The following POP4 variants were observed in gnomAD, a reference collection of about 807,000 sequenced individuals.
POP4 encodes the protein ribonuclease P protein subunit p29.
In POP4, 31 loss-of-function variants were observed where a neutral mutation model predicts 29.9. The observed-to-expected ratio is 1.04, with a 90% confidence interval of 0.78 to 1.40. The LOEUF is 1.40. POP4 is among the 40% of genes most tolerant of loss of function. The probability of loss-of-function intolerance (pLI) is 0.00; values close to 1 mark genes in which losing one functional copy is unlikely to be tolerated. For synonymous variants in POP4, 110 were observed against 108.2 expected, an observed-to-expected ratio of 1.02 and a Z score of -0.10; for missense variants, 286 against 282.7, an observed-to-expected ratio of 1.01 and a Z score of -0.08.
chr19:29,610,641 A>G lies in POP4; in HGVS notation c.284+9A>G, dbSNP rs575691274. On this transcript the variant is annotated intron_variant, in intron 3 of 6. Coordinates refer to ENST00000585603, the MANE Select transcript of POP4 (RefSeq NM_006627.3). The stretch of plus-strand genomic sequence containing the variant: ...AAACCAGAGCAGCAGAGGTAACCCG[A>G]GCTCCCCACGTCTTTCTGCCCGCGG... The G allele has an allele frequency of 1.1e-5, 17 of 1,612,054 alleles. No homozygotes were observed. In the East Asian group the frequency reaches 3.6e-4, roughly 34 times the overall value.
intron 1 of POP4, 88 bp from the exon 2 acceptor site, chr19:29,608,569 G>A: frequency 7.4e-7 from 1 of 1,347,172 alleles, no homozygotes; most frequent in Non-Finnish European, 1.1e-6. Context: ...TGCGCCTAGT[G>A]GCGTAGTTAT....
Position 29,617,218 on chromosome 19 carries a change from C to T in POP4, c.*1838C>T, listed in dbSNP as rs1012099466. 2 of 152,274 alleles carry T rather than the reference C, an allele frequency of 1.3e-5. No homozygotes were observed. The highest frequency in any genetic ancestry group is 2.4e-5 in the African/African-American group (1 of 41,474). The allele number at this position is 152,274 out of a possible 1,614,324, so 9.4% of individuals were successfully genotyped here. ...AAAGGCGTCCACTGTTGTGTAAATA[C>T]ACAGTTGCTTTCCAGAAAAGTTGTA... On this transcript the variant is annotated 3_prime_UTR_variant, in exon 7 of 7. Coordinates refer to ENST00000585603, the MANE Select transcript of POP4 (RefSeq NM_006627.3).
Position 29,610,489 on chromosome 19 carries a change from C to T in POP4, c.141C>T (p.Arg47=), listed in dbSNP as rs755539630. The change falls in exon 3 of 7, where the codon CGC becomes CGT. Residue 47 remains arginine, a synonymous_variant. Coordinates refer to ENST00000585603, the MANE Select transcript of POP4 (RefSeq NM_006627.3). The part of the protein sequence containing the change: ...RSTPRMSPQA[R]EDQLQRKAVV... ...CGCCCCGCATGAGCCCGCAGGCCCGCGAGGACCAGCTGCAGCGCAAGGCGG... is the reference window on the plus strand; with the variant it reads ...CGCCCCGCATGAGCCCGCAGGCCCGTGAGGACCAGCTGCAGCGCAAGGCGG... 6.8e-6 allele frequency: 11 copies of T among 1,610,050 alleles called. No homozygotes were observed. The highest frequency in any genetic ancestry group is 6.7e-5 in the Admixed American group (4 of 59,442).
chr19:29,610,208 T>G, intron 2 of POP4: 1 of 579,984 alleles, frequency 1.7e-6, no homozygotes, highest in Non-Finnish European at 3.1e-6. Context: ...CGGTCATGAA[T>G]TGGTGTGTGA....
In POP4 at chr19:29,615,263, CG is replaced by C. The variant is rs2030425232; in HGVS notation, c.547del (p.Val183CysfsTer44). Reference sequence around the variant, plus strand: ...TTTCAGTTATCCCCAAGCTAAACTGCGTGTTCACTGTGGAAACCGATGGCTT... The same window carrying C: ...TTTCAGTTATCCCCAAGCTAAACTGCTGTTCACTGTGGAAACCGATGGCTT... The part of the protein sequence containing the change: ...RLKVIPKLNC[V>X]FTVETDGFIS... On this transcript the variant is annotated frameshift_variant, in exon 7 of 7. Coordinates refer to ENST00000585603, the MANE Select transcript of POP4 (RefSeq NM_006627.3). LOFTEE classifies it high-confidence loss of function. 4 of 1,589,362 alleles carry C rather than the reference CG, an allele frequency of 2.5e-6. No homozygotes were observed. The highest frequency in any genetic ancestry group is 2.6e-6 in the Non-Finnish European group (3 of 1,167,490).
At chr19:29,609,955 AGTTTTGCT>A (rs1971045104) in intron 2 of POP4, among the ~76,000 whole-genome samples, 1 of 152,146 alleles carries the variant, frequency 6.6e-6, no homozygotes. Context: ...CTGGAGCCCT[AGTTTTGCT>A]GTTTTCTGTA....
chr19:29,613,817 G>GGTT, intron 5 of POP4, 54 bp from the exon 6 acceptor site: 1 of 1,556,376 alleles, frequency 6.4e-7, no homozygotes. Context: ...GCTTCTCTGT[G>GGTT]GTTCCCCCAG....
At position 29,611,994 on chromosome 19, in the gene POP4, AT is replaced by A. The variant is rs1178010793; in HGVS notation, c.362+57del. The A allele has an allele frequency of 3.1e-5, 50 of 1,593,810 alleles. No individual in the cohort carries two copies. In the East Asian group the frequency reaches 1.1e-3, roughly 36 times the overall value. ...TGGGGTGGATCTCAAGCCTCTGATC[AT>A]TGTAAATGCGGCTTCAGGAACCAGC... On this transcript the variant is annotated intron_variant, in intron 4 of 6. Transcript: ENST00000585603.
intron 2 of POP4, 166 bp from the exon 3 acceptor site, chr19:29,610,243 T>G: frequency 1.6e-6 from 1 of 618,910 alleles, no homozygotes; most frequent in Non-Finnish European, 2.8e-6. Context: ...TCGGCAGCTG[T>G]GGGTAGCAGA....
In POP4 at chr19:29,616,037, G is replaced by A. The variant is rs1971127230; in HGVS notation, c.*657G>A. 2 of 152,230 alleles carry A rather than the reference G, an allele frequency of 1.3e-5. No individual in the cohort carries two copies. The highest frequency in any genetic ancestry group is 4.1e-4 in the South Asian group (2 of 4,832). The allele number at this position is 152,230 out of a possible 1,614,324, so 9.4% of individuals were successfully genotyped here. The stretch of plus-strand genomic sequence containing the variant: ...ACTGCATGCAGCTGTGCCCATGCAT[G>A]GTTGCCCCAGCGTAGTGAGATGGGA... On this transcript the variant is annotated 3_prime_UTR_variant, in exon 7 of 7. Transcript: ENST00000585603.
At position 29,615,370 on chromosome 19, in the gene POP4, T is replaced by C. The variant is rs1393952224; in HGVS notation, c.653T>C (p.Ile218Thr). The change falls in exon 7 of 7, where the codon ATT becomes ACT. Residue 218 changes from isoleucine to threonine, a missense_variant. Physicochemically the swap from Ile to Thr is moderately conservative, Grantham distance 89 (BLOSUM62 -1). Coordinates refer to ENST00000585603, the MANE Select transcript of POP4 (RefSeq NM_006627.3). ...AAGAAGTTCAAAGCGAAGGGAACGA[T>C]TGACCTGTGAATTCTTTGCCGTCTA... The part of the protein sequence containing the change: ...SAKKFKAKGT[I>T]DL The C allele has an allele frequency of 1.9e-6, 3 of 1,613,374 alleles. No individual in the cohort carries two copies. In the African/African-American group the frequency reaches 4.0e-5, roughly 22 times the overall value.
At chr19:29,612,218 G>A in intron 5 of POP4, 40 bp downstream of exon 5, 1 of 1,554,874 alleles carries the variant, frequency 6.4e-7, no homozygotes, top group Non-Finnish European at 8.7e-7. Flanking sequence ...GCCATCCAGA[G>A]GTTCACTCTG....
intron 1 of POP4, among the ~76,000 whole-genome samples, chr19:29,607,025 CAA>C (rs2145553978): frequency 6.6e-6 from 1 of 152,264 alleles, no homozygotes; most frequent in African/African-American, 2.4e-5. Context: ...ACAGATGAAG[CAA>C]AGTTATCAGG....
Position 29,606,290 on chromosome 19 carries a change from C to T in POP4, c.-29C>T, listed in dbSNP as rs561159283. The stretch of plus-strand genomic sequence containing the variant: ...TCTGCGACAGCAGCTGCCAGTGCGT[C>T]ATCAGAGAGCGCCGGAAGCGGTCCG... On this transcript the variant is annotated 5_prime_UTR_variant, in exon 1 of 7. Transcript: ENST00000585603. 4 of 1,599,532 alleles carry T rather than the reference C, an allele frequency of 2.5e-6. No individual in the cohort carries two copies. The Admixed American group carries it at 5.2e-5, about 21-fold the overall frequency.
At position 29,616,409 on chromosome 19, in the gene POP4, C is replaced by T. The variant is rs1971131936; in HGVS notation, c.*1029C>T. On this transcript the variant is annotated 3_prime_UTR_variant, in exon 7 of 7. Transcript: ENST00000585603. ...CCAACTACCCCTTCCCTTTGAGGAG[C>T]AAGTCTCTGCCGATCAGCAAGGCAA... is the stretch of plus-strand genomic sequence containing the variant. The T allele has an allele frequency of 6.6e-6, 1 of 152,240 alleles. No homozygotes were observed. The highest frequency in any genetic ancestry group is 1.5e-5 in the Non-Finnish European group (1 of 68,092). The allele number at this position is 152,240 out of a possible 1,614,324, so 9.4% of individuals were successfully genotyped here.
chr19:29,613,754 C>A, intron 5 of POP4, 117 bp from the exon 6 acceptor site: 1 of 1,470,940 alleles, frequency 6.8e-7, no homozygotes, highest in South Asian at 1.4e-5. Flanking sequence ...GTGCTCTGTT[C>A]TTTCATCTGC....
intron 1 of POP4, 21 bp downstream of exon 1, chr19:29,606,346 G>T (rs775988606): frequency 1.2e-6 from 2 of 1,605,250 alleles, no homozygotes; most frequent in Admixed American, 3.4e-5. Context: ...CCGCGAAGTT[G>T]GAGAGGGTTG....
intron 1 of POP4, among the ~76,000 whole-genome samples, chr19:29,607,140 A>G (rs1050905959): frequency 6.6e-6 from 1 of 152,278 alleles, no homozygotes; most frequent in African/African-American, 2.4e-5. Flanking sequence ...GCTTGATCAA[A>G]CAAACATACC....
intron 1 of POP4, among the ~76,000 whole-genome samples, chr19:29,606,827 C>A (rs1458397645): frequency 6.6e-6 from 1 of 152,124 alleles, no homozygotes; most frequent in Non-Finnish European, 1.5e-5. Context: ...ATCTCTGCCA[C>A]TTTCTACCTA....
Sources: gnomAD v4.1 joint callset for allele counts (sites outside exome capture counted in the v4.1 genomes callset) on GRCh38, gnomAD v4.1.1 for gene constraint, MANE v1.5 for transcripts, NCBI Gene and HGNC (gene_info 2026-07-23, HGNC 2026-07-21) for gene names.